RAB3IP: variants seen among roughly 807,000 people sequenced by gnomAD.
RAB3IP encodes RAB3A interacting protein, also known as rab-3A-interacting protein.
RAB3IP carries 36 observed loss-of-function variants against 59.1 expected under a neutral mutation model. The observed-to-expected ratio is 0.61, with a 90% CI of 0.47 to 0.80. RAB3IP has a LOEUF of 0.80. RAB3IP is among the 30% of genes least tolerant of loss of function. RAB3IP has a pLI of 0.00. For synonymous variants in RAB3IP, 207 were observed against 191.2 expected (o/e 1.08, Z -0.68); for missense variants, 511 against 536.0 (o/e 0.95, Z 0.46).
chr12:69,800,127 T>C, intron 6 of RAB3IP, 82 bp from the exon 7 acceptor site: 1 of 1,111,884 alleles, frequency 9.0e-7, no homozygotes, highest in Non-Finnish European at 1.2e-6. Flanking sequence ...CAGTGATGTT[T>C]AAATTAGTTT....
At chr12:69,771,614 G>A (rs1873131415) in intron 3 of RAB3IP, among the ~76,000 whole-genome samples, 1 of 152,118 alleles carries the variant, frequency 6.6e-6, no homozygotes, top group Non-Finnish European at 1.5e-5. Context: ...GTAAACTTGG[G>A]AGTGCAGCTG....
Position 69,807,425 on chromosome 12 carries a change from C to T in RAB3IP, c.1131-5353C>T, listed in dbSNP as rs538131982. Reference sequence around the variant, plus strand: ...GGCGCCCCTCACCTCCCAGACGGGGCGGCCGGGCGGAGGCGCTCCTCACAT... The same window carrying T: ...GGCGCCCCTCACCTCCCAGACGGGGTGGCCGGGCGGAGGCGCTCCTCACAT... On this transcript the variant is annotated intron_variant, in intron 8 of 10. Coordinates refer to ENST00000247833, the MANE Select transcript of RAB3IP (RefSeq NM_022456.5). Among the ~76,000 whole-genome samples, 951 of 141,640 alleles carry T rather than the reference C, an allele frequency of 6.7e-3. 10 individuals are homozygous for T. The highest frequency in any genetic ancestry group is 0.023 in the African/African-American group (883 of 37,606). The allele number at this position is 141,640 out of a possible 152,430, so 92.9% of individuals were successfully genotyped here.
rs114600435 is a variant in RAB3IP, at chr12:69,764,089, T to G, written c.510+7426T>G. Among the ~76,000 whole-genome samples the G allele has an allele frequency of 3.2e-3, 491 of 152,328 alleles. 5 individuals carry two copies. Among genetic ancestry groups the G allele is most frequent in the African/African-American group, 0.011 (440 of 41,574 alleles). ...GAACATGTGAGTGCATGTGTCTTTT[T>G]GGGAGAACAGTTTATTTTCTTTTGG... On this transcript the variant is annotated intron_variant, in intron 3 of 10. Transcript: ENST00000247833.
intron 8 of RAB3IP, among the ~76,000 whole-genome samples, chr12:69,806,333 A>T (rs924897489): frequency 1.3e-5 from 2 of 152,148 alleles, no homozygotes; most frequent in African/African-American, 4.8e-5. Context: ...CTGTGGGAGC[A>T]GTGGTGATAT....
rs574077178 is a variant in RAB3IP at position 69,804,069 on chromosome 12, G to A, written c.1130+2348G>A. Reference sequence around the variant, plus strand: ...TCTAGTTCTAGATCCCTGAGGAATCGCCACACTGACTTCCACAATGGTTGA... The same window carrying A: ...TCTAGTTCTAGATCCCTGAGGAATCACCACACTGACTTCCACAATGGTTGA... On this transcript the variant is annotated intron_variant, in intron 8 of 10. Coordinates refer to ENST00000247833, the MANE Select transcript of RAB3IP (RefSeq NM_022456.5). 7.1e-3 allele frequency among the ~76,000 whole-genome samples: 1,074 copies of A among 152,128 alleles called. 10 individuals are homozygous for A. The highest frequency in any genetic ancestry group is 0.024 in the African/African-American group (988 of 41,496).
intron 8 of RAB3IP, 36 bp downstream of exon 8, chr12:69,801,757 G>T: frequency 7.6e-7 from 1 of 1,313,154 alleles, no homozygotes; most frequent in Non-Finnish European, 1.1e-6. Context: ...GAAAGTGACT[G>T]AGTTTTTGAA....
chr12:69,756,296 A>C, intron 2 of RAB3IP, 109 bp from the exon 3 acceptor site: 1 of 1,121,720 alleles, frequency 8.9e-7, no homozygotes. Context: ...TATTTATTTA[A>C]ATATAGAAGC....
chr12:69,795,186 T>G lies in RAB3IP; in HGVS notation c.730T>G (p.Leu244Val). Residue 244 changes from leucine to valine, a missense_variant, in exon 6 of 11, where the codon TTG becomes GTG. Physicochemically the swap from Leu to Val is conservative, Grantham distance 32 (BLOSUM62 1). Transcript: ENST00000247833. ...AGTAGCTGCATTGAAGACACTTGTA[T>G]TGTCCAGTTCTCCAACATCACCTAC... ...AEVAALKTLV[L>V]SSSPTSPTQE... 1 of 1,614,088 alleles carries G rather than the reference T, an allele frequency of 6.2e-7. No individual in the cohort carries two copies.
At chr12:69,749,066 A>G (rs1345444640) in intron 1 of RAB3IP, among the ~76,000 whole-genome samples, 1 of 152,234 alleles carries the variant, frequency 6.6e-6, no homozygotes, top group Non-Finnish European at 1.5e-5. Context: ...TAAGTGCTAT[A>G]TAACAGGGGT....
intron 6 of RAB3IP, chr12:69,796,785 C>T (rs1877495128): frequency 9.1e-6 from 4 of 437,964 alleles, no homozygotes; most frequent in Non-Finnish European, 1.2e-5. Context: ...ATTTTAATTG[C>T]CTGGTACAAC....
At chr12:69,756,708 T>TACTAATTTC in intron 3 of RAB3IP, 45 bp downstream of exon 3, 1 of 1,515,258 alleles carries the variant, frequency 6.6e-7, no homozygotes, top group Non-Finnish European at 8.9e-7. Flanking sequence ...ATATTAGAAA[T>TACTAATTTC]TAGTATTTCT....
intron 6 of RAB3IP, among the ~76,000 whole-genome samples, chr12:69,799,820 A>AT (rs1555227114): frequency 2.0e-5 from 3 of 152,124 alleles, no homozygotes; most frequent in Non-Finnish European, 2.9e-5. Context: ...GTCATCATTT[A>AT]TTATATTCTG....
chr12:69,796,727 ACTT>A, intron 6 of RAB3IP: 3 of 527,352 alleles, frequency 5.7e-6, no homozygotes, highest in Non-Finnish European at 1.0e-5. Flanking sequence ...TATTTAAGAA[ACTT>A]CTTTGTCCTA....
Position 69,784,742 on chromosome 12 carries a change from A to G in RAB3IP, c.533A>G (p.Glu178Gly). ...AQRELKLKDE[E>G]CERLSKVRDQ... Reference sequence around the variant, plus strand: ...TAGGAACTGAAGTTAAAAGATGAAGAATGTGAGAGGCTTTCAAAAGTGCGA... The same window carrying G: ...TAGGAACTGAAGTTAAAAGATGAAGGATGTGAGAGGCTTTCAAAAGTGCGA... Residue 178 changes from glutamate (E) to glycine (G), a missense_variant, in exon 4 of 11, where the codon GAA (glutamate) becomes GGA (glycine). Physicochemically the swap from Glu to Gly is moderately conservative, Grantham distance 98. Coordinates refer to ENST00000247833, the MANE Select transcript of RAB3IP (RefSeq NM_022456.5). 6.2e-7 allele frequency: 1 copy of G among 1,605,738 alleles called. No homozygotes were observed. Among genetic ancestry groups the G allele is most frequent in the East Asian group, 2.2e-5 (1 of 44,468 alleles).
At chr12:69,788,766 G>A (rs1294510752) in intron 4 of RAB3IP, among the ~76,000 whole-genome samples, 3 of 152,036 alleles carry the variant, frequency 2.0e-5, no homozygotes, top group Non-Finnish European at 4.4e-5. Context: ...TTCTTCTCAG[G>A]TGCACATGAA....
At chr12:69,783,751 A>G (rs991452905) in intron 3 of RAB3IP, among the ~76,000 whole-genome samples, 7 of 152,120 alleles carry the variant, frequency 4.6e-5, no homozygotes, top group East Asian at 1.9e-4. Context: ...GTTGCTTTGT[A>G]GGGTACCTCT....
intron 1 of RAB3IP, among the ~76,000 whole-genome samples, chr12:69,747,804 A>G (rs999176188): frequency 2.0e-5 from 3 of 152,210 alleles, no homozygotes; most frequent in African/African-American, 7.2e-5. Flanking sequence ...ATCCAATTCT[A>G]CACTGAAATA....
intron 3 of RAB3IP, among the ~76,000 whole-genome samples, chr12:69,758,233 A>G (rs1293039276): frequency 6.6e-6 from 1 of 152,156 alleles, no homozygotes; most frequent in Non-Finnish European, 1.5e-5. Context: ...TCTTATAGAT[A>G]GTGTACAGTT....
At chr12:69,815,283 A>G in intron 10 of RAB3IP, 81 bp from the exon 11 acceptor site, 1 of 991,932 alleles carries the variant, frequency 1.0e-6, no homozygotes, top group African/African-American at 1.6e-5. Context: ...TTGACATTTC[A>G]GCTAAGGTTT....
Sources: gnomAD v4.1 joint callset for allele counts (sites outside exome capture counted in the v4.1 genomes callset) on GRCh38, gnomAD v4.1.1 for gene constraint, MANE v1.5 for transcripts, NCBI Gene and HGNC (gene_info 2026-07-23, HGNC 2026-07-21) for gene names.